Variants in CUL5 observed in about 807,000 individuals in gnomAD.
CUL5 encodes the protein cullin-5.
In CUL5, 26 loss-of-function variants were observed where a neutral mutation model predicts 108.8. That is an observed-to-expected ratio of 0.24 (90% confidence interval 0.18 to 0.33). The LOEUF (loss-of-function observed/expected upper bound fraction) is 0.33. Among genes scored for constraint, CUL5 ranks in the 10% least tolerant of loss-of-function variants. The probability of loss-of-function intolerance (pLI) is 1.00; values close to 1 mark genes in which losing one functional copy is unlikely to be tolerated. For synonymous variants in CUL5, 334 were observed against 298.0 expected (o/e 1.12, Z -1.25); for missense variants, 524 against 909.2 (o/e 0.58, Z 5.45).
chr11:108,052,898 A>G, intron 5 of CUL5, 97 bp downstream of exon 5: 1 of 1,005,980 alleles, frequency 9.9e-7, no homozygotes, highest in Non-Finnish European at 1.4e-6. Context: ...TTGGCATACA[A>G]AGTTACATCT....
In CUL5 at chr11:108,105,204, CATATT is replaced by C. The variant is rs930231452; in HGVS notation, c.*822_*826del. 13 of 151,952 alleles carry C rather than the reference CATATT, an allele frequency of 8.6e-5. No individual in the cohort carries two copies. Among genetic ancestry groups the C allele is most frequent in the South Asian group, 2.1e-4 (1 of 4,816 alleles). The allele number at this position is 151,952 out of a possible 1,614,324, so 9.4% of individuals were successfully genotyped here. A position where few individuals can be genotyped will look rare whatever the true frequency, so the allele number is the denominator to read the frequency against. ...TGCAGAGCCAAAATAGCAAAACAAA[CATATT>C]AAGTGTGTTTACTAAACATATTGTG... On this transcript the variant is annotated 3_prime_UTR_variant, in exon 19 of 19. Coordinates refer to ENST00000393094, the MANE Select transcript of CUL5 (RefSeq NM_003478.6).
At chr11:108,049,362 G>A (rs1054262087) in intron 3 of CUL5, among the ~76,000 whole-genome samples, 2 of 151,532 alleles carry the variant, frequency 1.3e-5, no homozygotes, top group Non-Finnish European at 2.9e-5. Flanking sequence ...TTTTTTTCAA[G>A]CCAGGGTATT....
intron 13 of CUL5, among the ~76,000 whole-genome samples, chr11:108,093,983 C>T (rs1366627101): frequency 1.3e-5 from 2 of 152,222 alleles, no homozygotes; most frequent in Non-Finnish European, 2.9e-5. Flanking sequence ...GATTACACAC[C>T]ATGCCAACTA....
At chr11:108,035,708 C>A (rs1226479527) in intron 2 of CUL5, among the ~76,000 whole-genome samples, 1 of 151,676 alleles carries the variant, frequency 6.6e-6, no homozygotes, top group African/African-American at 2.4e-5. Context: ...CAAGCCGTGA[C>A]TGTGCCACTA....
chr11:108,086,497 G>A (rs1475450961), intron 11 of CUL5, among the ~76,000 whole-genome samples: 1 of 152,150 alleles, frequency 6.6e-6, no homozygotes, highest in Non-Finnish European at 1.5e-5. Context: ...CACTTTGATT[G>A]TTACAGTAGT....
chr11:108,062,405 T>C (rs1197075049), intron 7 of CUL5, among the ~76,000 whole-genome samples: 1 of 152,032 alleles, frequency 6.6e-6, no homozygotes, highest in South Asian at 2.1e-4. Flanking sequence ...TTTATCCATA[T>C]CGTTGCTGAT....
At chr11:108,016,681 C>T (rs1862200401) in intron 1 of CUL5, among the ~76,000 whole-genome samples, 1 of 152,174 alleles carries the variant, frequency 6.6e-6, no homozygotes, top group African/African-American at 2.4e-5. Flanking sequence ...GAAAGCAGGG[C>T]TGGGTGCAGT....
intron 2 of CUL5, among the ~76,000 whole-genome samples, chr11:108,034,463 T>C (rs1030558309): frequency 1.3e-5 from 2 of 152,200 alleles, no homozygotes; most frequent in African/African-American, 4.8e-5. Context: ...TGTTGACCAT[T>C]CAAGTTCTCA....
At chr11:108,042,264 G>C (rs1263028718) in intron 2 of CUL5, among the ~76,000 whole-genome samples, 1 of 134,028 alleles carries the variant, frequency 7.5e-6, no homozygotes, top group African/African-American at 2.8e-5. Flanking sequence ...CTGTTGTCCA[G>C]GCTGCAGCGC....
intron 3 of CUL5, 95 bp from the exon 4 acceptor site, chr11:108,049,795 A>T: frequency 2.0e-6 from 2 of 979,938 alleles, no homozygotes; most frequent in South Asian, 1.6e-5. Flanking sequence ...ACAATAATTT[A>T]AAAATTATGT....
chr11:108,036,057 T>C (rs748014009), intron 2 of CUL5, among the ~76,000 whole-genome samples: 1 of 152,226 alleles, frequency 6.6e-6, no homozygotes, highest in Non-Finnish European at 1.5e-5. Flanking sequence ...CTCAAAAATA[T>C]GCACATCAGG....
At chr11:108,042,034 A>C (rs1280466229) in intron 2 of CUL5, among the ~76,000 whole-genome samples, 1 of 152,170 alleles carries the variant, frequency 6.6e-6, no homozygotes, top group East Asian at 1.9e-4. Flanking sequence ...TGGGAGGGAA[A>C]CGTCCACATT....
intron 2 of CUL5, among the ~76,000 whole-genome samples, chr11:108,043,836 C>G (rs1371305826): frequency 1.3e-5 from 2 of 152,160 alleles, no homozygotes; most frequent in Non-Finnish European, 2.9e-5. Context: ...CGAGACCAGC[C>G]TGACCAACAT....
intron 1 of CUL5, among the ~76,000 whole-genome samples, chr11:108,027,858 A>G (rs1343947063): frequency 3.9e-5 from 6 of 152,180 alleles, no homozygotes; most frequent in African/African-American, 1.4e-4. Flanking sequence ...AATTCTTAAA[A>G]TTGATTATTC....
chr11:108,009,843 C>T, intron 1 of CUL5, among the ~76,000 whole-genome samples: 1 of 152,164 alleles, frequency 6.6e-6, no homozygotes, highest in East Asian at 1.9e-4. Flanking sequence ...AATTCCGAGT[C>T]AGACCAGCAG....
rs941008262 is a variant in CUL5 at position 108,105,604 on chromosome 11, C to T, written c.*1220C>T. On this transcript the variant is annotated 3_prime_UTR_variant, in exon 19 of 19. Coordinates refer to ENST00000393094, the MANE Select transcript of CUL5 (RefSeq NM_003478.6). Reference sequence around the variant, plus strand: ...TTTACCATGTTCCTTTCAGTCTATCCAAAGTAGCAACTTAACTAGTTGCTG... The same window carrying T: ...TTTACCATGTTCCTTTCAGTCTATCTAAAGTAGCAACTTAACTAGTTGCTG... The T allele has an allele frequency of 3.9e-5, 6 of 151,924 alleles. No homozygotes were observed. Among genetic ancestry groups the T allele is most frequent in the African/African-American group, 1.5e-4 (6 of 41,360 alleles). The allele number at this position is 151,924 out of a possible 1,614,324, so 9.4% of individuals were successfully genotyped here. A position where few individuals can be genotyped will look rare whatever the true frequency, so the allele number is the denominator to read the frequency against.
intron 7 of CUL5, among the ~76,000 whole-genome samples, chr11:108,066,343 C>CAA (rs61324649): frequency 4.1e-5 from 6 of 144,756 alleles, no homozygotes; most frequent in African/African-American, 1.5e-4. Context: ...GACTCTGTCT[C>CAA]AAAAAAAAAA....
chr11:108,102,411 C>G (rs935205324), intron 18 of CUL5, among the ~76,000 whole-genome samples: 2 of 152,338 alleles, frequency 1.3e-5, no homozygotes, highest in South Asian at 4.1e-4. Flanking sequence ...ACTGCAACCT[C>G]TGCCTTTCAG....
At position 108,043,973 on chromosome 11, in the gene CUL5, A is replaced by G. The variant is rs1236506672; in HGVS notation, c.135-2297A>G. On this transcript the variant is annotated intron_variant, in intron 2 of 18. Transcript: ENST00000393094. Reference sequence around the variant, plus strand: ...AGGAGGCGGAGGTTGCAGTGAGCCAAGGTGGCGCCATTGCACTTCAGCCTG... The same window carrying G: ...AGGAGGCGGAGGTTGCAGTGAGCCAGGGTGGCGCCATTGCACTTCAGCCTG... Among the ~76,000 whole-genome samples the G allele has an allele frequency of 3.3e-5, 5 of 152,268 alleles. No individual in the cohort carries two copies. The South Asian group carries it at 8.3e-4, about 25-fold the overall frequency.
Sources: allele counts gnomAD v4.1 joint callset (sites outside exome capture counted in the v4.1 genomes callset), GRCh38; gene constraint gnomAD v4.1.1; transcripts MANE v1.5; gene names NCBI Gene and HGNC (gene_info 2026-07-23, HGNC 2026-07-21).